PPP2R2B: variants seen among roughly 807,000 people sequenced by gnomAD.
PPP2R2B encodes serine/threonine-protein phosphatase 2A 55 kDa regulatory subunit B beta isoform.
Under a neutral mutation model 46.0 loss-of-function variants are expected in PPP2R2B, and 5 were observed. The observed-to-expected ratio is 0.11, with a 90% CI of 0.06 to 0.23. The LOEUF is 0.23. Ranked by LOEUF, PPP2R2B falls within the 10% of genes least tolerant of loss-of-function variation. PPP2R2B has a pLI of 1.00. For missense variants in PPP2R2B, 367 were observed against 575.0 expected (o/e 0.64, Z 3.70); for synonymous variants, 215 against 206.7 (o/e 1.04, Z -0.34).
At chr5:147,056,765 G>A (rs1319962143), upstream of PPP2R2B, among the ~76,000 whole-genome samples, 1 of 152,176 alleles carries the variant, frequency 6.6e-6, no homozygotes, top group Non-Finnish European at 1.5e-5. Flanking sequence ...AGTAATTTGG[G>A]ATGGGGAATT....
chr5:147,012,493 T>C (rs1238586974), intron 1 of PPP2R2B, among the ~76,000 whole-genome samples: 5 of 152,262 alleles, frequency 3.3e-5, no homozygotes, highest in East Asian at 3.9e-4. Context: ...GTCTTGCTAG[T>C]GGTTTATCAA....
At chr5:147,012,832 T>G (rs1478654754) in intron 1 of PPP2R2B, among the ~76,000 whole-genome samples, 3 of 152,014 alleles carry the variant, frequency 2.0e-5, no homozygotes, top group Non-Finnish European at 4.4e-5. Flanking sequence ...TTCATTTCGT[T>G]ATGTACCCAG....
intron 2 of PPP2R2B, among the ~76,000 whole-genome samples, chr5:146,874,185 C>T (rs534870831): frequency 6.6e-6 from 1 of 152,242 alleles, no homozygotes; most frequent in South Asian, 2.1e-4. Context: ...TATTTATTTG[C>T]AAAATTATTT....
chr5:146,809,465 C>A (rs1757391038), intron 2 of PPP2R2B, among the ~76,000 whole-genome samples: 1 of 151,554 alleles, frequency 6.6e-6, no homozygotes, highest in Admixed American at 6.6e-5. Flanking sequence ...TGTATATTGA[C>A]TAATTATAAT....
chr5:146,817,942 C>G (rs564384267), intron 2 of PPP2R2B, among the ~76,000 whole-genome samples: 1 of 152,364 alleles, frequency 6.6e-6, no homozygotes, highest in South Asian at 2.1e-4. Flanking sequence ...GCACCAATTC[C>G]TTTTCTCCAA....
chr5:146,608,700 G>T (rs543389796), intron 7 of PPP2R2B, among the ~76,000 whole-genome samples: 2 of 152,100 alleles, frequency 1.3e-5, no homozygotes, highest in African/African-American at 2.4e-5. Flanking sequence ...GAGAAGAATC[G>T]CTTGAACCCA....
rs757396751 is a variant in PPP2R2B, at chr5:146,728,138, CTTTTTTTTTTTT to C, written c.71-27008_71-26997del. Reference sequence around the variant, plus strand: ...AATATGATGGCTAGGGAAACACTTACTTTTTTTTTTTTTTTTTTTTTTTTCAGATGCAATGAT... The same window carrying C: ...AATATGATGGCTAGGGAAACACTTACTTTTTTTTTTTTCAGATGCAATGAT... On this transcript the variant is annotated intron_variant, in intron 2 of 9. Coordinates refer to ENST00000394411, the MANE Select transcript of PPP2R2B (RefSeq NM_181675.4). 1.7e-4 allele frequency among the ~76,000 whole-genome samples: 14 copies of C among 82,508 alleles called. No homozygotes were observed. In the South Asian group the frequency reaches 5.7e-3, roughly 34 times the overall value. 54.1% of individuals were successfully genotyped at this position (82,508 alleles called of 152,430 possible).
At chr5:146,802,540 T>C (rs1756925359) in intron 2 of PPP2R2B, among the ~76,000 whole-genome samples, 1 of 152,196 alleles carries the variant, frequency 6.6e-6, no homozygotes, top group African/African-American at 2.4e-5. Context: ...TATGTGAAAA[T>C]GAACTTGTGC....
intron 5 of PPP2R2B, among the ~76,000 whole-genome samples, chr5:146,663,966 C>T (rs924888169): frequency 5.3e-5 from 8 of 152,086 alleles, no homozygotes; most frequent in South Asian, 2.1e-4. Flanking sequence ...CTCAGCCTCC[C>T]GAGCAGCTGG....
At chr5:146,824,781 A>G (rs1758469607) in intron 2 of PPP2R2B, among the ~76,000 whole-genome samples, 1 of 151,198 alleles carries the variant, frequency 6.6e-6, no homozygotes, top group African/African-American at 2.4e-5. Context: ...GCAGTGGTGC[A>G]ATCTCGGCTC....
intron 2 of PPP2R2B, among the ~76,000 whole-genome samples, chr5:146,822,868 C>T (rs1221591585): frequency 1.3e-5 from 2 of 152,166 alleles, no homozygotes; most frequent in Admixed American, 6.5e-5. Flanking sequence ...GTGCCTTTGT[C>T]ATCTAGATTT....
chr5:146,870,465 A>C (rs979120700), intron 2 of PPP2R2B, among the ~76,000 whole-genome samples: 1 of 152,230 alleles, frequency 6.6e-6, no homozygotes, highest in Non-Finnish European at 1.5e-5. Context: ...GAAGTTGGCT[A>C]TACATGGGAA....
At chr5:146,804,394 C>G (rs964845738) in intron 2 of PPP2R2B, among the ~76,000 whole-genome samples, 2 of 152,068 alleles carry the variant, frequency 1.3e-5, no homozygotes, top group South Asian at 4.1e-4. Flanking sequence ...CTGGCAGACC[C>G]GGGACTGGAA....
intron 1 of PPP2R2B, among the ~76,000 whole-genome samples, chr5:147,032,535 A>G (rs949793053): frequency 6.6e-6 from 1 of 151,378 alleles, no homozygotes; most frequent in African/African-American, 2.4e-5. Context: ...CGAGTCCCCA[A>G]AGTCCACTGT....
chr5:146,672,807 C>T (rs1184298426), intron 5 of PPP2R2B, among the ~76,000 whole-genome samples: 2 of 152,128 alleles, frequency 1.3e-5, no homozygotes, highest in East Asian at 1.9e-4. Flanking sequence ...CTCTCTCCGA[C>T]GATTTATTTT....
At chr5:146,763,065 G>A (rs1033631349) in intron 2 of PPP2R2B, among the ~76,000 whole-genome samples, 1 of 152,148 alleles carries the variant, frequency 6.6e-6, no homozygotes, top group Admixed American at 6.5e-5. Flanking sequence ...TTTCTGCCTG[G>A]AGCACTTGGC....
chr5:146,823,982 T>C (rs986006387), intron 2 of PPP2R2B, among the ~76,000 whole-genome samples: 2 of 152,176 alleles, frequency 1.3e-5, no homozygotes, highest in Non-Finnish European at 2.9e-5. Context: ...TCCCTGGTAG[T>C]AGATGTGCAT....
chr5:146,745,741 C>A (rs1047186689), intron 2 of PPP2R2B, among the ~76,000 whole-genome samples: 5 of 152,114 alleles, frequency 3.3e-5, no homozygotes, highest in Non-Finnish European at 7.4e-5. Flanking sequence ...GGGTGGATCA[C>A]AAGGTCAGGA....
At chr5:146,972,256 A>G (rs1315140348) in intron 1 of PPP2R2B, among the ~76,000 whole-genome samples, 5 of 152,184 alleles carry the variant, frequency 3.3e-5, no homozygotes, top group Non-Finnish European at 7.3e-5. Context: ...TCCTCATGTC[A>G]TATCAGATGG....
Sources: allele counts gnomAD v4.1 joint callset (sites outside exome capture counted in the v4.1 genomes callset), GRCh38; gene constraint gnomAD v4.1.1; transcripts MANE v1.5; gene names NCBI Gene and HGNC (gene_info 2026-07-23, HGNC 2026-07-21).